Variants in AUTS2 observed in about 807,000 individuals in gnomAD.
The protein encoded by AUTS2 is autism susceptibility gene 2 protein.
A neutral mutation model predicts 112.4 loss-of-function variants in AUTS2; 17 were observed. That is an observed-to-expected ratio of 0.15 (90% CI 0.10 to 0.23). The LOEUF (loss-of-function observed/expected upper bound fraction) is 0.23. Ranked by LOEUF, AUTS2 falls within the 10% of genes least tolerant of loss-of-function variation. The pLI is 1.00. For synonymous variants in AUTS2, 751 were observed against 702.7 expected, an observed-to-expected ratio of 1.07 and a Z score of -1.09; for missense variants, 1,510 against 1,701.6, an observed-to-expected ratio of 0.89 and a Z score of 1.98.
intron 4 of AUTS2, among the ~76,000 whole-genome samples, chr7:70,433,290 G>A (rs1201280692): frequency 6.6e-6 from 1 of 152,176 alleles, no homozygotes; most frequent in Non-Finnish European, 1.5e-5. Flanking sequence ...TTGGGGAGGT[G>A]GGCAAATGCG....
chr7:70,563,263 T>C (rs1801565533), intron 5 of AUTS2, among the ~76,000 whole-genome samples: 1 of 152,174 alleles, frequency 6.6e-6, no homozygotes, highest in South Asian at 2.1e-4. Flanking sequence ...AGTGAGGGTA[T>C]TCTCTGAAAG....
Position 70,458,859 on chromosome 7 carries a change from A to G in AUTS2, c.690+23078A>G, listed in dbSNP as rs530414484. 2.8e-4 allele frequency among the ~76,000 whole-genome samples: 42 copies of G among 152,280 alleles called. No homozygotes were observed. The South Asian group carries it at 3.5e-3, about 13-fold the overall frequency. Reference sequence around the variant, plus strand: ...TGCTGTGCACGTGACTGCAGCATGGACCACTGAGGGGGAATAGCACCAAGC... The same window carrying G: ...TGCTGTGCACGTGACTGCAGCATGGGCCACTGAGGGGGAATAGCACCAAGC... On this transcript the variant is annotated intron_variant, in intron 5 of 18. Transcript: ENST00000342771.
At chr7:70,227,495 G>T (rs1018119573) in intron 4 of AUTS2, among the ~76,000 whole-genome samples, 3 of 152,066 alleles carry the variant, frequency 2.0e-5, no homozygotes, top group Non-Finnish European at 4.4e-5. Flanking sequence ...TTCCAGAAAG[G>T]TTCATGAGCA....
At chr7:70,586,923 T>C (rs1424773611) in intron 5 of AUTS2, among the ~76,000 whole-genome samples, 3 of 152,232 alleles carry the variant, frequency 2.0e-5, no homozygotes, top group African/African-American at 7.2e-5. Flanking sequence ...ATACACAGTC[T>C]TGGGTTGATG....
At chr7:70,422,691 G>A (rs898131979) in intron 4 of AUTS2, among the ~76,000 whole-genome samples, 3 of 152,098 alleles carry the variant, frequency 2.0e-5, no homozygotes, top group Non-Finnish European at 4.4e-5. Context: ...CAGGTGAATC[G>A]CTTGAACCCA....
At chr7:70,644,026 C>T (rs771193776) in intron 5 of AUTS2, among the ~76,000 whole-genome samples, 8 of 152,140 alleles carry the variant, frequency 5.3e-5, no homozygotes, top group Non-Finnish European at 8.8e-5. Flanking sequence ...TGACCAGTTC[C>T]TTGGTGATGC....
chr7:69,670,602 A>C (rs1796277020), intron 1 of AUTS2, among the ~76,000 whole-genome samples: 1 of 142,076 alleles, frequency 7.0e-6, no homozygotes, highest in Non-Finnish European at 1.5e-5. Context: ...GCAGCTGGGT[A>C]CCGTGGCACG....
At chr7:70,419,370 G>C (rs1298961574) in intron 4 of AUTS2, among the ~76,000 whole-genome samples, 2 of 141,982 alleles carry the variant, frequency 1.4e-5, no homozygotes, top group Admixed American at 1.5e-4. Context: ...TTGACAAGTT[G>C]CTTCATGTCT....
intron 4 of AUTS2, among the ~76,000 whole-genome samples, chr7:70,343,698 G>A (rs1318095220): frequency 2.0e-5 from 3 of 152,162 alleles, no homozygotes; most frequent in African/African-American, 7.2e-5. Context: ...GGGGATTACA[G>A]GATTTTGCCC....
chr7:69,859,099 C>CCAA (rs1489145769), intron 1 of AUTS2, among the ~76,000 whole-genome samples: 2 of 152,088 alleles, frequency 1.3e-5, no homozygotes, highest in Non-Finnish European at 1.5e-5. Flanking sequence ...AGTCATTGTA[C>CCAA]CAACATTTAC....
chr7:69,969,422 A>ATG (rs1797757821), intron 2 of AUTS2, among the ~76,000 whole-genome samples: 1 of 152,172 alleles, frequency 6.6e-6, no homozygotes, highest in Non-Finnish European at 1.5e-5. Flanking sequence ...ATTGAAGGAT[A>ATG]TTCGTCTTGA....
chr7:69,861,087 A>G (rs1246400295), intron 1 of AUTS2, among the ~76,000 whole-genome samples: 2 of 152,068 alleles, frequency 1.3e-5, no homozygotes, highest in African/African-American at 2.4e-5. Flanking sequence ...CCCAGGCTGA[A>G]GCTGTTAAGC....
intron 1 of AUTS2, among the ~76,000 whole-genome samples, chr7:69,834,386 T>C (rs1349492275): frequency 6.6e-6 from 1 of 152,204 alleles, no homozygotes; most frequent in Non-Finnish European, 1.5e-5. Flanking sequence ...CTTCTTCACC[T>C]GAATAAAGGA....
In AUTS2 at chr7:70,529,152, T is replaced by C. The variant is rs150551573; in HGVS notation, c.690+93371T>C. On this transcript the variant is annotated intron_variant, in intron 5 of 18. Transcript: ENST00000342771. ...GGGCAGACCCTTAAATGGAAAAGCC[T>C]AGAAAATACCAACACTGCAAACTGA... Among the ~76,000 whole-genome samples, 573 of 152,248 alleles carry C rather than the reference T, an allele frequency of 3.8e-3. 3 individuals are homozygous for C. Among genetic ancestry groups the C allele is most frequent in the African/African-American group, 0.013 (538 of 41,544 alleles).
intron 5 of AUTS2, among the ~76,000 whole-genome samples, chr7:70,511,556 A>ATTGTCTTTTTTTTTTTTTTT (rs1563005631): frequency 2.4e-5 from 1 of 41,766 alleles, no homozygotes; most frequent in Non-Finnish European, 5.2e-5. Context: ...ACTTTTTTTC[A>ATTGTCTTTTTTTTTTTTTTT]TTTTCTTTTT....
chr7:70,595,576 G>C (rs1803155973), intron 5 of AUTS2, among the ~76,000 whole-genome samples: 1 of 152,066 alleles, frequency 6.6e-6, no homozygotes, highest in Non-Finnish European at 1.5e-5. Context: ...GGCAGGGCTG[G>C]TCTCTTTAGA....
At chr7:70,499,814 C>T (rs1395617317) in intron 5 of AUTS2, among the ~76,000 whole-genome samples, 1 of 152,192 alleles carries the variant, frequency 6.6e-6, no homozygotes, top group Non-Finnish European at 1.5e-5. Flanking sequence ...GGTAAGTCTG[C>T]AGGCTCCCAG....
At chr7:70,117,561 A>G (rs972233648) in intron 2 of AUTS2, among the ~76,000 whole-genome samples, 7 of 152,066 alleles carry the variant, frequency 4.6e-5, no homozygotes, top group African/African-American at 1.7e-4. Flanking sequence ...ACTGCTTTCT[A>G]ATTTATGGAC....
At chr7:70,740,476 T>C (rs1788037716) in intron 6 of AUTS2, among the ~76,000 whole-genome samples, 1 of 152,170 alleles carries the variant, frequency 6.6e-6, no homozygotes, top group Admixed American at 6.5e-5. Context: ...TCTTTATGTC[T>C]TTCCTCCTGA....
Sources: allele counts gnomAD v4.1 joint callset (sites outside exome capture counted in the v4.1 genomes callset), GRCh38; gene constraint gnomAD v4.1.1; transcripts MANE v1.5; gene names NCBI Gene and HGNC (gene_info 2026-07-23, HGNC 2026-07-21).